The following PADI6 variants were observed in gnomAD, a reference collection of about 807,000 sequenced individuals.
PADI6 encodes the protein peptidyl arginine deiminase 6, also known as inactive protein-arginine deiminase type-6.
In PADI6, 66 loss-of-function variants were observed where a neutral mutation model predicts 78.2. The ratio of observed to expected loss-of-function variants is 0.84; its 90% confidence interval spans 0.69 to 1.04. The LOEUF (loss-of-function observed/expected upper bound fraction) is 1.04. Ranked by LOEUF, PADI6 falls within the 50% of genes least tolerant of loss-of-function variation. The pLI, the probability that PADI6 is intolerant of heterozygous loss-of-function variation, is 0.00. For synonymous variants in PADI6, 397 were observed against 346.9 expected, an observed-to-expected ratio of 1.14 and a Z score of -1.60; for missense variants, 854 against 866.1, an observed-to-expected ratio of 0.99 and a Z score of 0.18.
chr1:17,374,926 C>T (rs1318510419), intron 2 of PADI6, among the ~76,000 whole-genome samples: 2 of 152,132 alleles, frequency 1.3e-5, no homozygotes, highest in Non-Finnish European at 2.9e-5. Context: ...CACAGTCCCA[C>T]AGTTGGGACT....
chr1:17,392,740 T>C (rs964436117), intron 9 of PADI6, among the ~76,000 whole-genome samples: 2 of 152,208 alleles, frequency 1.3e-5, no homozygotes, highest in African/African-American at 2.4e-5. Context: ...AATGAGATGA[T>C]ACAGTGATTC....
Position 17,375,428 on chromosome 1 carries a change from T to C in PADI6, c.296T>C (p.Val99Ala), listed in dbSNP as rs1174313229. 1.2e-6 allele frequency: 2 copies of C among 1,610,684 alleles called. No individual in the cohort carries two copies. Among genetic ancestry groups the C allele is most frequent in the South Asian group, 1.1e-5 (1 of 90,186 alleles). The change falls in exon 3 of 16, where the codon GTC becomes GCC. Residue 99 changes from valine (V) to alanine (A), a missense_variant and splice_region_variant. Transcript: ENST00000619609. ...GGTTTCGGGATGCTGTCTCCACAGG[T>C]CTCGGTCACATACTATGGGCCCAAC... The part of the protein sequence containing the change: ...SPSPSVDADK[V>A]SVTYYGPNED...
chr1:17,400,174 G>A (rs150005627), intron 15 of PADI6, among the ~76,000 whole-genome samples: 67 of 150,230 alleles, frequency 4.5e-4, no homozygotes, highest in Middle Eastern at 6.9e-3. Flanking sequence ...TCTAGCCTGG[G>A]TAACAAACCA....
chr1:17,376,120 G>A lies in PADI6; in HGVS notation c.367+621G>A, dbSNP rs760614752. On this transcript the variant is annotated intron_variant, in intron 3 of 15. Transcript: ENST00000619609. ...CTCCAGATTAGCTGGGACTATAGGT[G>A]TGTGCCACCATGCCTGGCTAATTTT... Among the ~76,000 whole-genome samples, 66 of 151,682 alleles carry A rather than the reference G, an allele frequency of 4.4e-4. 1 individual carries two copies. The highest frequency in any genetic ancestry group is 6.8e-3 in the Middle Eastern group (2 of 292).
chr1:17,401,473 G>A lies in PADI6; in HGVS notation c.*35G>A, dbSNP rs374262842. 790 of 1,561,606 alleles carry A rather than the reference G, an allele frequency of 5.1e-4. No homozygotes were observed. Among genetic ancestry groups the A allele is most frequent in the Non-Finnish European group, 6.6e-4 (748 of 1,137,786 alleles). Reference sequence around the variant, plus strand: ...CTGGAGCTGCCAGCTCTGCCCCAGCGTGGATGGCCCACTGTCACCATGCAA... The same window carrying A: ...CTGGAGCTGCCAGCTCTGCCCCAGCATGGATGGCCCACTGTCACCATGCAA... On this transcript the variant is annotated 3_prime_UTR_variant, in exon 16 of 16. Transcript: ENST00000619609.
At chr1:17,388,660 C>A in intron 7 of PADI6, 101 bp downstream of exon 7, 1 of 1,454,088 alleles carries the variant, frequency 6.9e-7, no homozygotes, top group South Asian at 1.3e-5. Context: ...TGGGGGAGAG[C>A]TGCAGAAGGC....
intron 2 of PADI6, 106 bp downstream of exon 2, chr1:17,373,339 T>A: frequency 4.5e-6 from 6 of 1,343,006 alleles, no homozygotes; most frequent in Non-Finnish European, 6.1e-6. Context: ...GGGAAACACG[T>A]TGTTTTGCAC....
At chr1:17,392,907 A>C (rs2075202490) in intron 9 of PADI6, among the ~76,000 whole-genome samples, 1 of 152,176 alleles carries the variant, frequency 6.6e-6, no homozygotes, top group Admixed American at 6.6e-5. Flanking sequence ...TAATCCCAAC[A>C]CATTGGGAGG....
chr1:17,397,158 G>T lies in PADI6; in HGVS notation c.1689+17G>T. The T allele has an allele frequency of 1.2e-6, 2 of 1,613,104 alleles. No homozygotes were observed. The highest frequency in any genetic ancestry group is 8.5e-7 in the Non-Finnish European group (1 of 1,179,382). On this transcript the variant is annotated intron_variant, in intron 14 of 15. Transcript: ENST00000619609. ...TACGTGGAGGTAGGACCAGTGTGAA[G>T]GGGGCCATCCCCAAGAAAGAGCTGG...
chr1:17,401,054 G>C, intron 15 of PADI6, 151 bp from the exon 16 acceptor site: 1 of 656,506 alleles, frequency 1.5e-6, no homozygotes, highest in Non-Finnish European at 2.6e-6. Context: ...AGCCATTGTA[G>C]GGCTAAGCAA....
chr1:17,381,433 A>C (rs2075072171), intron 5 of PADI6, among the ~76,000 whole-genome samples: 1 of 152,140 alleles, frequency 6.6e-6, no homozygotes, highest in Non-Finnish European at 1.5e-5. Context: ...TTGTTTCCCT[A>C]TTTGTAAAAT....
chr1:17,393,839 G>A, intron 9 of PADI6, 136 bp from the exon 10 acceptor site: 1 of 715,508 alleles, frequency 1.4e-6, no homozygotes. Context: ...TTCAAGAAGG[G>A]GTGATATCTG....
rs144547124 is a variant in PADI6, at chr1:17,379,111, A to ATTTTTTTTTTTTTTTTTTTTTTTTTTT, written c.368-788_368-787insTTTTTTTTTTTTTTTTTTTTTTTTTTT. ...AGGTACCCTCCACCATGCCCAGTTA[A>ATTTTTTTTTTTTTTTTTTTTTTTTTTT]TTTTTTTTTTTTTTTTTTTTTAAGA... On this transcript the variant is annotated intron_variant, in intron 3 of 15. Coordinates refer to ENST00000619609, the MANE Select transcript of PADI6 (RefSeq NM_207421.4). 1.4e-4 allele frequency among the ~76,000 whole-genome samples: 14 copies of ATTTTTTTTTTTTTTTTTTTTTTTTTTT among 100,804 alleles called. 1 individual carries two copies. Among genetic ancestry groups the ATTTTTTTTTTTTTTTTTTTTTTTTTTT allele is most frequent in the Non-Finnish European group, 1.8e-4 (10 of 56,658 alleles). The allele number at this position is 100,804 out of a possible 152,430, so 66.1% of individuals were successfully genotyped here.
rs1005334710 is a variant in PADI6 at position 17,394,548 on chromosome 1, C to T, written c.1337+94C>T. On this transcript the variant is annotated intron_variant, in intron 11 of 15. Coordinates refer to ENST00000619609, the MANE Select transcript of PADI6 (RefSeq NM_207421.4). Reference sequence around the variant, plus strand: ...CTTCCCATAGCACCTCAGCAGGTCACACACACTGGACCATTTCTTAAACTG... The same window carrying T: ...CTTCCCATAGCACCTCAGCAGGTCATACACACTGGACCATTTCTTAAACTG... 1.9e-5 allele frequency: 26 copies of T among 1,341,114 alleles called. No individual in the cohort carries two copies. The African/African-American group carries it at 2.2e-4, about 11-fold the overall frequency. 83.1% of individuals were successfully genotyped at this position (1,341,114 alleles called of 1,614,324 possible). A position where few individuals can be genotyped will look rare whatever the true frequency, so the allele number is the denominator to read the frequency against.
Position 17,389,474 on chromosome 1 carries a change from C to T in PADI6, c.962+594C>T, listed in dbSNP as rs143697950. 1.6e-3 allele frequency among the ~76,000 whole-genome samples: 249 copies of T among 152,252 alleles called. 1 individual carries two copies. Among genetic ancestry groups the T allele is most frequent in the Admixed American group, 2.9e-3 (44 of 15,296 alleles). Reference sequence around the variant, plus strand: ...CTCTCTGGAGGCTGAGTGCACACATCCTAGGTCCAGGCCCGGGCCCCAGGA... The same window carrying T: ...CTCTCTGGAGGCTGAGTGCACACATTCTAGGTCCAGGCCCGGGCCCCAGGA... On this transcript the variant is annotated intron_variant, in intron 8 of 15. Transcript: ENST00000619609.
chr1:17,373,204 T>C lies in PADI6; in HGVS notation c.265T>C (p.Ser89Pro), dbSNP rs759710552. ...DPTYATVKMTSPSPSVDADKV... is the reference protein window; with the variant it reads ...DPTYATVKMTPPSPSVDADKV... ...CACGTACGCCACAGTGAAGATGACA[T>C]CGCCCAGCCCTTCCGTGGATGCGGA... is the stretch of plus-strand genomic sequence containing the variant. The change falls in exon 2 of 16, where the codon TCG becomes CCG. Residue 89 changes from serine (S) to proline (P), a missense_variant. Transcript: ENST00000619609. 4.3e-6 allele frequency: 7 copies of C among 1,613,926 alleles called. No homozygotes were observed. The highest frequency in any genetic ancestry group is 1.7e-5 in the Admixed American group (1 of 60,008).
At chr1:17,396,898 A>G (rs1278513242) in intron 13 of PADI6, among the ~76,000 whole-genome samples, 173 bp from the exon 14 acceptor site, 1 of 152,160 alleles carries the variant, frequency 6.6e-6, no homozygotes, top group Non-Finnish European at 1.5e-5. Flanking sequence ...GTCAGTCCCC[A>G]GAAGGAAGAT....
intron 3 of PADI6, among the ~76,000 whole-genome samples, chr1:17,378,958 G>GT (rs2075044804): frequency 7.0e-6 from 1 of 143,580 alleles, no homozygotes; most frequent in Non-Finnish European, 1.5e-5. Flanking sequence ...TTTTTTTTGG[G>GT]GGGGGGGACA....
At chr1:17,400,455 G>A (rs1163144980) in intron 15 of PADI6, among the ~76,000 whole-genome samples, 1 of 151,912 alleles carries the variant, frequency 6.6e-6, no homozygotes, top group East Asian at 1.9e-4. Context: ...TGCAGTGAGC[G>A]GAGATCACCC....
Sources: gnomAD v4.1 joint callset for allele counts (sites outside exome capture counted in the v4.1 genomes callset) on GRCh38, gnomAD v4.1.1 for gene constraint, MANE v1.5 for transcripts, NCBI Gene and HGNC (gene_info 2026-07-23, HGNC 2026-07-21) for gene names.